The following RNF144A variants were observed in gnomAD, a reference collection of about 807,000 sequenced individuals.
The protein encoded by RNF144A is ring finger protein 144A, also known as E3 ubiquitin-protein ligase RNF144A.
In RNF144A, 11 loss-of-function variants were observed where a neutral mutation model predicts 38.7. The ratio of observed to expected loss-of-function variants is 0.28; its 90% CI spans 0.18 to 0.47. The LOEUF (loss-of-function observed/expected upper bound fraction) is 0.47. Among genes scored for constraint, RNF144A ranks in the 20% least tolerant of loss-of-function variants. The pLI, the probability that RNF144A is intolerant of heterozygous loss-of-function variation, is 0.99. For missense variants in RNF144A, 316 were observed against 377.2 expected (o/e 0.84, Z 1.34); for synonymous variants, 149 against 143.9 (o/e 1.04, Z -0.25).
At chr2:7,032,562 C>T (rs1314962913) in intron 8 of RNF144A, among the ~76,000 whole-genome samples, 1 of 152,244 alleles carries the variant, frequency 6.6e-6, no homozygotes, top group Non-Finnish European at 1.5e-5. Flanking sequence ...TTCTGTGGTT[C>T]GCCAGCCATC....
chr2:7,028,516 G>A (rs1672073742), intron 7 of RNF144A, among the ~76,000 whole-genome samples: 1 of 152,234 alleles, frequency 6.6e-6, no homozygotes, highest in Non-Finnish European at 1.5e-5. Context: ...GCAGAGGTCA[G>A]TAACCACTTC....
the RNF144A span, chr2:7,074,837 A>T: frequency 2.6e-3 from 400 of 152,582 alleles, 1 homozygote; most frequent in Non-Finnish European, 4.2e-3. Context: ...AGAAAGAAGG[A>T]GGGGGGGAAG....
chr2:6,967,507 C>A (rs1667744979), intron 2 of RNF144A, among the ~76,000 whole-genome samples: 1 of 152,140 alleles, frequency 6.6e-6, no homozygotes, highest in Admixed American at 6.5e-5. Flanking sequence ...CCTGTGGCAC[C>A]CTGCCCTGGA....
intron 1 of RNF144A, among the ~76,000 whole-genome samples, chr2:6,926,292 C>T (rs1216029562): frequency 1.3e-5 from 2 of 152,206 alleles, no homozygotes; most frequent in African/African-American, 4.8e-5. Context: ...GTGGCTGACT[C>T]TGTTCAGGGC....
chr2:7,034,456 T>A (rs1234709517), intron 8 of RNF144A, among the ~76,000 whole-genome samples: 4 of 151,988 alleles, frequency 2.6e-5, no homozygotes. Context: ...TGGAAATGAG[T>A]CCGTGTAAAG....
rs140242548 is a variant in RNF144A at position 6,964,832 on chromosome 2, G to A, written c.-12+23685G>A. On this transcript the variant is annotated intron_variant, in intron 2 of 8. Transcript: ENST00000320892. ...CTGGGGACTGTTGTGGGGTCGGGGA[G>A]GGGGAGGGATAGCTTTAGGAGATAT... is the stretch of plus-strand genomic sequence containing the variant. 8.9e-3 allele frequency among the ~76,000 whole-genome samples: 1,361 copies of A among 152,100 alleles called. 21 individuals carry two copies. The highest frequency in any genetic ancestry group is 0.032 in the African/African-American group (1,307 of 41,444).
downstream of RNF144A, among the ~76,000 whole-genome samples, chr2:7,049,055 T>C (rs1426333677): frequency 6.6e-6 from 1 of 152,146 alleles, no homozygotes. Flanking sequence ...TGTGGGGCCC[T>C]ATAGGATCAC....
At chr2:6,935,441 C>T (rs1665507130) in intron 1 of RNF144A, among the ~76,000 whole-genome samples, 1 of 152,228 alleles carries the variant, frequency 6.6e-6, no homozygotes, top group Non-Finnish European at 1.5e-5. Context: ...CATCACTGAG[C>T]TGCATCTCTG....
At chr2:6,978,991 T>G (rs1332384259) in intron 2 of RNF144A, among the ~76,000 whole-genome samples, 1 of 152,230 alleles carries the variant, frequency 6.6e-6, no homozygotes, top group Non-Finnish European at 1.5e-5. Flanking sequence ...GCTGCCTCTC[T>G]GTCTCATGAG....
chr2:7,073,017 G>GAGAC (rs1184477265), downstream of RNF144A, among the ~76,000 whole-genome samples: 1 of 152,054 alleles, frequency 6.6e-6, no homozygotes, highest in African/African-American at 2.4e-5. Flanking sequence ...TACATACCAT[G>GAGAC]AGACTCCTTG....
At chr2:6,938,801 C>T (rs889279733) in intron 1 of RNF144A, among the ~76,000 whole-genome samples, 1 of 152,196 alleles carries the variant, frequency 6.6e-6, no homozygotes, top group Non-Finnish European at 1.5e-5. Flanking sequence ...TTTCTGTTCT[C>T]GACCTTGCAT....
intron 2 of RNF144A, among the ~76,000 whole-genome samples, chr2:6,957,907 A>G (rs1300811254): frequency 1.3e-5 from 2 of 152,114 alleles, no homozygotes; most frequent in Non-Finnish European, 1.5e-5. Context: ...CTCAATCTCA[A>G]CATGTCTGTT....
intron 2 of RNF144A, among the ~76,000 whole-genome samples, chr2:6,988,467 G>C (rs1166385617): frequency 6.6e-6 from 1 of 152,196 alleles, no homozygotes; most frequent in East Asian, 1.9e-4. Context: ...TTTTGGTTAG[G>C]AATTTTATAG....
chr2:6,931,205 G>A (rs1177826031), intron 1 of RNF144A, among the ~76,000 whole-genome samples: 1 of 152,232 alleles, frequency 6.6e-6, no homozygotes, highest in Non-Finnish European at 1.5e-5. Context: ...GACAGAGACA[G>A]GATCCTGCTC....
At chr2:7,069,704 G>T (rs1674386446), downstream of RNF144A, among the ~76,000 whole-genome samples, 1 of 152,208 alleles carries the variant, frequency 6.6e-6, no homozygotes, top group African/African-American at 2.4e-5. Flanking sequence ...ATTTTGGAGA[G>T]TTGAGCACAG....
At chr2:7,076,343 T>A in the RNF144A span, among the ~76,000 whole-genome samples, 1 of 152,260 alleles carries the variant, frequency 6.6e-6, no homozygotes, top group South Asian at 2.1e-4. Context: ...ATTTTTGGAT[T>A]ATAAATGATT....
chr2:7,070,692 A>G (rs948397615), downstream of RNF144A, among the ~76,000 whole-genome samples: 3 of 152,210 alleles, frequency 2.0e-5, no homozygotes, highest in Admixed American at 6.5e-5. Flanking sequence ...GGCAAGTGCT[A>G]TGTAAAAACA....
chr2:7,070,362 G>A (rs1257014537), downstream of RNF144A, among the ~76,000 whole-genome samples: 1 of 152,002 alleles, frequency 6.6e-6, no homozygotes, highest in African/African-American at 2.4e-5. Flanking sequence ...GTAGAGAAGG[G>A]GTTTTGCCAT....
intron 2 of RNF144A, among the ~76,000 whole-genome samples, chr2:6,978,052 C>T (rs1322000009): frequency 6.6e-6 from 1 of 152,038 alleles, no homozygotes; most frequent in East Asian, 1.9e-4. Context: ...TGCATCACAG[C>T]CTCACTCCTC....
Sources: gnomAD v4.1 joint callset for allele counts (sites outside exome capture counted in the v4.1 genomes callset) on GRCh38, gnomAD v4.1.1 for gene constraint, MANE v1.5 for transcripts, NCBI Gene and HGNC (gene_info 2026-07-23, HGNC 2026-07-21) for gene names.